The following MLPH variants were observed in gnomAD, a reference collection of about 807,000 sequenced individuals.
MLPH encodes the protein melanophilin, also known as exophilin-3.
A neutral mutation model predicts 72.1 loss-of-function variants in MLPH; 51 were observed. The observed-to-expected ratio is 0.71, with a 90% CI of 0.56 to 0.89. The LOEUF (loss-of-function observed/expected upper bound fraction) is 0.89. MLPH is among the 40% of genes least tolerant of loss of function. The probability of loss-of-function intolerance (pLI) is 0.00; values close to 1 mark genes in which losing one functional copy is unlikely to be tolerated. For missense variants in MLPH, 743 were observed against 759.9 expected (o/e 0.98, Z 0.26); for synonymous variants, 301 against 310.1 (o/e 0.97, Z 0.31).
At chr2:237,488,055 C>T (rs952493834) in intron 1 of MLPH, among the ~76,000 whole-genome samples, 2 of 152,278 alleles carry the variant, frequency 1.3e-5, no homozygotes, top group African/African-American at 4.8e-5. Flanking sequence ...CCTACAGGAA[C>T]GGAATCTCAC....
rs954912700 is a variant in MLPH, at chr2:237,512,222, C to T, written c.445+1121C>T. 2.0e-5 allele frequency among the ~76,000 whole-genome samples: 3 copies of T among 152,244 alleles called. No individual in the cohort carries two copies. Among genetic ancestry groups the T allele is most frequent in the Non-Finnish European group, 4.4e-5 (3 of 68,048 alleles). ...CTTCCTTCTGGAGAGACACCTTATT[C>T]GTGCCTGTCTCTTAAAGCCTCAAGT... On this transcript the variant is annotated intron_variant, in intron 4 of 15. Coordinates refer to ENST00000264605, the MANE Select transcript of MLPH (RefSeq NM_024101.7). The surrounding 1 kb of genome is among the most constrained non-coding windows in gnomAD (Gnocchi z 5.5).
At chr2:237,506,156 A>G (rs1269594562) in intron 2 of MLPH, among the ~76,000 whole-genome samples, 1 of 152,238 alleles carries the variant, frequency 6.6e-6, no homozygotes, top group East Asian at 1.9e-4. Context: ...TTTTATTCAT[A>G]TGGGTCATAT....
chr2:237,500,617 G>A (rs890637500), intron 2 of MLPH, among the ~76,000 whole-genome samples: 1 of 152,084 alleles, frequency 6.6e-6, no homozygotes, highest in Non-Finnish European at 1.5e-5. Flanking sequence ...GCACGACACT[G>A]CGGCCAAAGT....
At position 237,532,457 on chromosome 2, in the gene MLPH, G is replaced by C. The variant is rs564369043; in HGVS notation, c.1021-2107G>C. Among the ~76,000 whole-genome samples the C allele has an allele frequency of 2.0e-5, 3 of 152,330 alleles. No individual in the cohort carries two copies. The South Asian group carries it at 6.2e-4, about 32-fold the overall frequency. ...ACGGGAGAGGAAACGGCCCTGGCAC[G>C]CACCCTCCGCCCCCTCACTCCCAAG... is the stretch of plus-strand genomic sequence containing the variant. On this transcript the variant is annotated intron_variant, in intron 8 of 15. Transcript: ENST00000264605.
intron 5 of MLPH, 74 bp downstream of exon 5, chr2:237,518,722 T>G: frequency 8.3e-7 from 1 of 1,200,640 alleles, no homozygotes; most frequent in Admixed American, 1.9e-5. Context: ...GGTTCTGATT[T>G]CCTGAAAACC....
At chr2:237,494,775 T>A (rs1294187027) in intron 2 of MLPH, among the ~76,000 whole-genome samples, 1 of 152,140 alleles carries the variant, frequency 6.6e-6, no homozygotes, top group Non-Finnish European at 1.5e-5. Flanking sequence ...GTTGGATACA[T>A]ACACTAGTCC....
chr2:237,501,922 T>C (rs1227888244), intron 2 of MLPH, among the ~76,000 whole-genome samples: 5 of 152,216 alleles, frequency 3.3e-5, no homozygotes, highest in African/African-American at 1.2e-4. Context: ...GTCCAGACCT[T>C]ACACTTGCTT....
Position 237,508,222 on chromosome 2 carries a change from C to T in MLPH, c.111-2352C>T, listed in dbSNP as rs1048731550. On this transcript the variant is annotated intron_variant, in intron 2 of 15. Transcript: ENST00000264605. ...TGCTTCCCTGGTTCAAGCGACTCTC[C>T]TGCCTCAGCCTCCTGAGTAGCAGGG... Among the ~76,000 whole-genome samples, 7 of 152,308 alleles carry T rather than the reference C, an allele frequency of 4.6e-5. No individual in the cohort carries two copies. The South Asian group carries it at 1.0e-3, about 23-fold the overall frequency.
At chr2:237,542,681 G>C in intron 12 of MLPH, 22 bp downstream of exon 12, 1 of 1,508,880 alleles carries the variant, frequency 6.6e-7, no homozygotes, top group Non-Finnish European at 9.0e-7. Context: ...GCAGTGGTGA[G>C]TGGAGACAGT....
At chr2:237,514,582 GAGA>G (rs2079974415) in intron 4 of MLPH, among the ~76,000 whole-genome samples, 1 of 152,198 alleles carries the variant, frequency 6.6e-6, no homozygotes, top group Admixed American at 6.5e-5. Context: ...AAGAGGGCAG[GAGA>G]AGGTCAGAGA....
intron 12 of MLPH, among the ~76,000 whole-genome samples, 165 bp downstream of exon 12, chr2:237,542,824 G>GGC (rs2080736521): frequency 2.8e-5 from 1 of 35,646 alleles, no homozygotes. Flanking sequence ...GGTGAGTGGG[G>GGC]ACAGTGGTGA....
rs1336597051 is a variant in MLPH, at chr2:237,541,945, A to G, written c.1447-622A>G. Reference sequence around the variant, plus strand: ...ATCCAGGGGGCAGGAGGCCGGGTGGAGGGAGCAGCCCGTGCCAAGGCCCTG... The same window carrying G: ...ATCCAGGGGGCAGGAGGCCGGGTGGGGGGAGCAGCCCGTGCCAAGGCCCTG... On this transcript the variant is annotated intron_variant, in intron 11 of 15. Transcript: ENST00000264605. This position sits in a 1 kb window ranked among gnomAD's most constrained non-coding sequence, Gnocchi z 5.1. Among the ~76,000 whole-genome samples, 1 of 152,182 alleles carries G rather than the reference A, an allele frequency of 6.6e-6. No individual in the cohort carries two copies. The highest frequency in any genetic ancestry group is 2.4e-5 in the African/African-American group (1 of 41,450).
chr2:237,527,549 G>T (rs147916648), intron 8 of MLPH, 33 bp downstream of exon 8: 1 of 1,613,354 alleles, frequency 6.2e-7, no homozygotes, highest in African/African-American at 1.3e-5. Flanking sequence ...CTGTCTTGTC[G>T]TTTCTTTGGG....
chr2:237,530,624 A>G (rs933722505), intron 8 of MLPH, among the ~76,000 whole-genome samples: 1 of 152,198 alleles, frequency 6.6e-6, no homozygotes, highest in African/African-American at 2.4e-5. Flanking sequence ...AGTCTCTGAA[A>G]GAAGCACTCT....
intron 8 of MLPH, among the ~76,000 whole-genome samples, chr2:237,528,128 G>A (rs1391982590): frequency 2.0e-5 from 3 of 152,092 alleles, no homozygotes; most frequent in Non-Finnish European, 4.4e-5. Context: ...GGGGTCAGGG[G>A]GATGGGAATT....
intron 9 of MLPH, among the ~76,000 whole-genome samples, chr2:237,538,963 A>G (rs2080601899): frequency 6.6e-6 from 1 of 152,232 alleles, no homozygotes; most frequent in African/African-American, 2.4e-5. Flanking sequence ...GTGGCTGTCT[A>G]AGGTCAAGTG....
intron 4 of MLPH, among the ~76,000 whole-genome samples, chr2:237,513,371 T>A (rs2079948823): frequency 6.6e-6 from 1 of 152,024 alleles, no homozygotes; most frequent in Admixed American, 6.6e-5. Flanking sequence ...CCTACCCCCG[T>A]GCCTTCCCTT....
chr2:237,531,610 T>C lies in MLPH; in HGVS notation c.1021-2954T>C, dbSNP rs908405948. Among the ~76,000 whole-genome samples, 3 of 152,256 alleles carry C rather than the reference T, an allele frequency of 2.0e-5. No homozygotes were observed. The East Asian group carries it at 5.8e-4, about 29-fold the overall frequency. Reference sequence around the variant, plus strand: ...CTTGGAATTATTCTCTAGTTCATGTTTGTATATCCTGCCTGTGGAATTGTT... The same window carrying C: ...CTTGGAATTATTCTCTAGTTCATGTCTGTATATCCTGCCTGTGGAATTGTT... On this transcript the variant is annotated intron_variant, in intron 8 of 15. Transcript: ENST00000264605.
chr2:237,546,664 A>C lies in MLPH; in HGVS notation c.1598A>C (p.Asp533Ala). The C allele has an allele frequency of 6.2e-7, 1 of 1,614,092 alleles. No homozygotes were observed. The highest frequency in any genetic ancestry group is 8.5e-7 in the Non-Finnish European group (1 of 1,179,998). The change falls in exon 13 of 16, where the codon GAC becomes GCC. Residue 533 changes from aspartate (D) to alanine (A), a missense_variant. Transcript: ENST00000264605. ...AAGAGACCAGAGGACCCAAATGCAG[A>C]CCCTTCAAGTGAGGCCAAGGTATGT... ...LGKRPEDPNADPSSEAKAMAV... is the reference protein window; with the variant it reads ...LGKRPEDPNAAPSSEAKAMAV...
Sources: gnomAD v4.1 joint callset for allele counts (sites outside exome capture counted in the v4.1 genomes callset) on GRCh38, gnomAD v4.1.1 for gene constraint, Gnocchi (gnomAD v3.1) non-coding constraint, MANE v1.5 for transcripts, NCBI Gene and HGNC (gene_info 2026-07-23, HGNC 2026-07-21) for gene names.